ARL10: variants seen among roughly 807,000 people sequenced by gnomAD.
ARL10 encodes ADP-ribosylation factor-like protein 10.
ARL10 carries 23 observed loss-of-function variants against 26.1 expected under a neutral mutation model. That is an observed-to-expected ratio of 0.88 (90% CI 0.63 to 1.25). The LOEUF (loss-of-function observed/expected upper bound fraction) is 1.25, where lower values mean the gene tolerates loss of function less well. Ranked by LOEUF, ARL10 falls within the 50% of genes most tolerant of loss-of-function variation. The pLI is 0.00. For synonymous variants in ARL10, 138 were observed against 149.1 expected (o/e 0.93, Z 0.54); for missense variants, 300 against 323.6 (o/e 0.93, Z 0.56).
chr5:176,388,781 G>C (rs3172921), downstream of ARL10: 141,916 of 1,601,136 alleles, frequency 0.089, 7,115 homozygotes, highest in African/African-American at 0.16. Flanking sequence ...GGAGGCTGAG[G>C]TCGGAGTCCC....
chr5:176,384,474 G>A, downstream of ARL10: 1 of 1,229,676 alleles, frequency 8.1e-7, no homozygotes, highest in Non-Finnish European at 1.1e-6. Flanking sequence ...TATCCCTGAG[G>A]TCCAGAATCC....
At chr5:176,410,136 C>T in the ARL10 span, 1 of 844,080 alleles carries the variant, frequency 1.2e-6, no homozygotes, top group Non-Finnish European at 1.9e-6. Context: ...TGTTTCCACC[C>T]CAATGCATCA....
rs555739173 is a variant in ARL10, at chr5:176,378,545, T to C, written c.*6650T>C. ...AAATTGTGGACTGCAAAGGCATGTA[T>C]ATATACATAGCATGTCTGCTATGTA... On this transcript the variant is annotated 3_prime_UTR_variant, in exon 4 of 4. Coordinates refer to ENST00000310389, the MANE Select transcript of ARL10 (RefSeq NM_173664.6). The C allele has an allele frequency of 1.3e-5, 2 of 152,370 alleles. No homozygotes were observed. The highest frequency in any genetic ancestry group is 4.1e-4 in the South Asian group (2 of 4,828). The allele number at this position is 152,370 out of a possible 1,614,324, so 9.4% of individuals were successfully genotyped here.
At position 176,365,679 on chromosome 5, in the gene ARL10, G is replaced by A. The variant is rs1328024148; in HGVS notation, c.116G>A (p.Arg39His). 9 of 1,246,130 alleles carry A rather than the reference G, an allele frequency of 7.2e-6. No homozygotes were observed. The highest frequency in any genetic ancestry group is 4.2e-5 in the Admixed American group (1 of 23,862). The allele number at this position is 1,246,130 out of a possible 1,614,324, so 77.2% of individuals were successfully genotyped here. ...TACTTCGGCCGCGGCCGAGAGCGGC[G>A]CTGGGACCGGGGAGAGGCCTGGTGG... ...KTYFGRGRER[R>H]WDRGEAWWGA... is the part of the protein sequence containing the mutation. The change falls in exon 1 of 4, where the codon CGC (arginine) becomes CAC (histidine). Residue 39 changes from arginine to histidine, a missense_variant. By Grantham distance (29) the Arg-to-His change is conservative. Transcript: ENST00000310389.
At chr5:176,409,774 T>C in the ARL10 span, among the ~76,000 whole-genome samples, 2 of 152,218 alleles carry the variant, frequency 1.3e-5, no homozygotes, top group African/African-American at 4.8e-5. Context: ...TCCCTGATGC[T>C]GGACACTTAG....
chr5:176,384,171 G>C, downstream of ARL10: 1 of 1,614,004 alleles, frequency 6.2e-7, no homozygotes, highest in Non-Finnish European at 8.5e-7. Flanking sequence ...CTTACACCCT[G>C]GCTCCAGCTT....
chr5:176,410,746 AGAGGGGCCTACGCGTCTCTGCCTGTCCCT>A, the ARL10 span, among the ~76,000 whole-genome samples: 18,362 of 152,072 alleles, frequency 0.12, 1,203 homozygotes, highest in South Asian at 0.18. Context: ...GATAAGGAAG[AGAGGGGCCTACGCGTCTCTGCCTGTCCCT>A]GAGGCGCCTT....
downstream of ARL10, among the ~76,000 whole-genome samples, chr5:176,393,528 C>T (rs1581419778): frequency 6.6e-6 from 1 of 152,188 alleles, no homozygotes; most frequent in Admixed American, 6.5e-5. This position sits in a 1 kb window ranked among gnomAD's most constrained non-coding sequence, Gnocchi z 4.4. Context: ...ACTTTCAAAG[C>T]CTTTCATGTG....
chr5:176,368,746 G>A lies in ARL10; in HGVS notation c.386-61G>A, dbSNP rs1768420879. ...TGAGCGGGGGCCCGGGGTGGGGTGG[G>A]GGCTGTGGGCAGTGAGCGGGGGCCC... On this transcript the variant is annotated intron_variant, in intron 2 of 3. Transcript: ENST00000310389. The surrounding 1 kb of genome is among the most constrained non-coding windows in gnomAD (Gnocchi z 4.1). 1 of 1,537,570 alleles carries A rather than the reference G, an allele frequency of 6.5e-7. No individual in the cohort carries two copies. Among genetic ancestry groups the A allele is most frequent in the South Asian group, 1.2e-5 (1 of 80,078 alleles).
chr5:176,369,894 G>A lies in ARL10; in HGVS notation c.561+912G>A, dbSNP rs552312185. Among the ~76,000 whole-genome samples the A allele has an allele frequency of 1.2e-3, 189 of 151,754 alleles. 1 individual carries two copies. The highest frequency in any genetic ancestry group is 4.4e-3 in the African/African-American group (183 of 41,334). On this transcript the variant is annotated intron_variant, in intron 3 of 3. Coordinates refer to ENST00000310389, the MANE Select transcript of ARL10 (RefSeq NM_173664.6). ...AGATCACTTGAACCCAGGAGGTCGA[G>A]GCTGCAGTGAGCTGTGATCACACTA...
intron 1 of ARL10, chr5:176,396,592 G>A: frequency 8.1e-7 from 1 of 1,234,970 alleles, no homozygotes; most frequent in Non-Finnish European, 1.2e-6. Context: ...AAGACAGACA[G>A]GCAGGCAGAA....
At chr5:176,383,844 G>C, downstream of ARL10, 1 of 792,226 alleles carries the variant, frequency 1.3e-6, no homozygotes, top group Non-Finnish European at 2.0e-6. Context: ...CGTAGCACTT[G>C]CTGACAGGCG....
At chr5:176,389,196 T>C (rs1199376753), downstream of ARL10, 8 of 1,167,988 alleles carry the variant, frequency 6.8e-6, no homozygotes, top group Non-Finnish European at 7.3e-6. Flanking sequence ...TAGGAAGACC[T>C]CGACTCGACC....
intron 1 of ARL10, among the ~76,000 whole-genome samples, chr5:176,396,225 A>T (rs576660975): frequency 6.6e-6 from 1 of 151,974 alleles, no homozygotes; most frequent in Non-Finnish European, 1.5e-5. Flanking sequence ...CCCCTCCCAC[A>T]TGGGAATAAG....
intron 1 of ARL10, among the ~76,000 whole-genome samples, chr5:176,400,669 G>A (rs1383115722): frequency 1.3e-5 from 2 of 152,154 alleles, no homozygotes; most frequent in African/African-American, 2.4e-5. Context: ...GTCTCCTGGC[G>A]CTTCTGTCTC....
rs770613101 is a variant in ARL10 at position 176,371,896 on chromosome 5, G to A, written c.*1G>A. 1 of 1,613,508 alleles carries A rather than the reference G, an allele frequency of 6.2e-7. No homozygotes were observed. The highest frequency in any genetic ancestry group is 1.3e-5 in the African/African-American group (1 of 75,034). On this transcript the variant is annotated 3_prime_UTR_variant, in exon 4 of 4. Transcript: ENST00000310389. ...ACTGCTCTTGGAGCTCCTCTCCTAG[G>A]CTGGAGCTCTCCTGCTTGCCACCTG...
At chr5:176,384,989 T>A (rs1755715184), downstream of ARL10, 1 of 575,818 alleles carries the variant, frequency 1.7e-6, no homozygotes, top group African/African-American at 1.9e-5. Context: ...AAAAACACCA[T>A]GCGAGCAAAA....
At position 176,365,622 on chromosome 5, in the gene ARL10, T is replaced by C. The variant is rs1287940980; in HGVS notation, c.59T>C (p.Leu20Pro). ...GCGCTGGGCGGCGCCGCGGCGGTGC[T>C]GGGCTCGGTGCTCTTCATCCTCTGG... ...VLALGGAAAVLGSVLFILWKT... is the reference protein window; with the variant it reads ...VLALGGAAAVPGSVLFILWKT... The change falls in exon 1 of 4, where the codon CTG becomes CCG. Residue 20 changes from leucine (L) to proline (P), a missense_variant. By Grantham distance (98) the Leu-to-Pro change is moderately conservative. Coordinates refer to ENST00000310389, the MANE Select transcript of ARL10 (RefSeq NM_173664.6). The C allele has an allele frequency of 7.9e-7, 1 of 1,260,612 alleles. No individual in the cohort carries two copies. The highest frequency in any genetic ancestry group is 1.0e-6 in the Non-Finnish European group (1 of 1,003,868). 78.1% of individuals were successfully genotyped at this position (1,260,612 alleles called of 1,614,324 possible).
chr5:176,373,511 C>T lies in ARL10; in HGVS notation c.*1616C>T, dbSNP rs975831624. 6.5e-6 allele frequency: 1 copy of T among 153,034 alleles called. No homozygotes were observed. The highest frequency in any genetic ancestry group is 6.5e-5 in the Admixed American group (1 of 15,308). The allele number at this position is 153,034 out of a possible 1,614,324, so 9.5% of individuals were successfully genotyped here. ...GCCTTCATTTCATTTGACATTTACC[C>T]AGCATGCCTCAGTTCCACACCGTGA... On this transcript the variant is annotated 3_prime_UTR_variant, in exon 4 of 4. Transcript: ENST00000310389.
Sources: allele counts gnomAD v4.1 joint callset (sites outside exome capture counted in the v4.1 genomes callset), GRCh38; gene constraint gnomAD v4.1.1; non-coding constraint Gnocchi (gnomAD v3.1); transcripts MANE v1.5; gene names NCBI Gene and HGNC (gene_info 2026-07-23, HGNC 2026-07-21).